ADSS1: variants seen among roughly 807,000 people sequenced by gnomAD.
ADSS1 encodes adenylosuccinate synthetase isozyme 1.
Under a neutral mutation model 59.1 loss-of-function variants are expected in ADSS1, and 57 were observed. The observed-to-expected ratio is 0.97, with a 90% confidence interval of 0.78 to 1.20. The LOEUF (loss-of-function observed/expected upper bound fraction) is 1.20. Ranked by LOEUF, ADSS1 falls within the 50% of genes most tolerant of loss-of-function variation. ADSS1 has a pLI of 0.00. For synonymous variants in ADSS1, 247 were observed against 249.4 expected (o/e 0.99, Z 0.09); for missense variants, 603 against 610.3 (o/e 0.99, Z 0.13).
At chr14:104,730,152 G>T (rs1461967108) in intron 1 of ADSS1, 1 of 1,543,326 alleles carries the variant, frequency 6.5e-7, no homozygotes, top group Admixed American at 2.0e-5. Flanking sequence ...AATGCAGGAG[G>T]CCACACCTGC....
intron 1 of ADSS1, among the ~76,000 whole-genome samples, chr14:104,729,333 C>T (rs568762522): frequency 6.6e-6 from 1 of 152,106 alleles, no homozygotes; most frequent in Admixed American, 6.5e-5. Context: ...AGGAGCAGGA[C>T]GATGGCTGCA....
At chr14:104,735,917 C>T (rs1374858824) in intron 2 of ADSS1, among the ~76,000 whole-genome samples, 1 of 152,228 alleles carries the variant, frequency 6.6e-6, no homozygotes, top group African/African-American at 2.4e-5. Flanking sequence ...TGTACTTTCC[C>T]TTCCAGCTGT....
intron 1 of ADSS1, among the ~76,000 whole-genome samples, chr14:104,729,114 G>T (rs1890805794): frequency 6.6e-6 from 1 of 152,182 alleles, no homozygotes; most frequent in African/African-American, 2.4e-5. Flanking sequence ...GGAGAAAGGG[G>T]CCTCCTTGGG....
In ADSS1 at chr14:104,740,569, G is replaced by C. The variant is rs1191426418; in HGVS notation, c.477-32G>C. On this transcript the variant is annotated intron_variant, in intron 5 of 12. Transcript: ENST00000330877. The surrounding 1 kb of genome is among the most constrained non-coding windows in gnomAD (Gnocchi z 4.8). ...TGCCTGAGCTCCTCAGGGCTCCTGGGTTCTCATGGGTACCCACTCCCCATC... is the reference window on the plus strand; with the variant it reads ...TGCCTGAGCTCCTCAGGGCTCCTGGCTTCTCATGGGTACCCACTCCCCATC... 1 of 1,605,386 alleles carries C rather than the reference G, an allele frequency of 6.2e-7. No homozygotes were observed. Among genetic ancestry groups the C allele is most frequent in the Admixed American group, 1.7e-5 (1 of 59,606 alleles).
At chr14:104,743,930 G>T (rs956871780) in intron 10 of ADSS1, among the ~76,000 whole-genome samples, 24 of 152,272 alleles carry the variant, frequency 1.6e-4, no homozygotes, top group African/African-American at 5.5e-4. Flanking sequence ...GACAGGCAGG[G>T]TCAGCAGTGC....
intron 5 of ADSS1, 145 bp downstream of exon 5, chr14:104,739,961 C>T: frequency 3.5e-6 from 3 of 857,544 alleles, no homozygotes; most frequent in Non-Finnish European, 5.5e-6. Context: ...GTCAAAATTC[C>T]ACAGCGCATC....
intron 1 of ADSS1, among the ~76,000 whole-genome samples, chr14:104,730,426 G>A (rs1890879626): frequency 6.6e-6 from 1 of 152,082 alleles, no homozygotes; most frequent in African/African-American, 2.4e-5. Flanking sequence ...GGAGGCAGAG[G>A]TTGCAGTGAG....
chr14:104,731,855 G>C (rs771542874), intron 1 of ADSS1, among the ~76,000 whole-genome samples: 2 of 152,310 alleles, frequency 1.3e-5, no homozygotes, highest in Non-Finnish European at 2.9e-5. Flanking sequence ...GGGCTGCCTG[G>C]AACAAGCAGA....
At chr14:104,739,511 G>C (rs1891253303) in intron 4 of ADSS1, 133 bp downstream of exon 4, 2 of 1,093,830 alleles carry the variant, frequency 1.8e-6, no homozygotes. Context: ...CCATTAGCTT[G>C]TACATTACCC....
In ADSS1 at chr14:104,724,404, G is replaced by A. The variant is rs756674137; in HGVS notation, c.134G>A (p.Gly45Asp). Residue 45 changes from glycine to aspartate, a missense_variant, in exon 1 of 13, where the codon GGC becomes GAC. By Grantham distance (94) the Gly-to-Asp change is moderately conservative (BLOSUM62 -1). Transcript: ENST00000330877. ...VVLGAQWGDE[G>D]KGKVVDLLAT... ...CTGGGCGCGCAGTGGGGGGACGAGG[G>A]CAAAGGCAAGGTGGTGGACCTGCTG... 2.4e-6 allele frequency: 3 copies of A among 1,264,028 alleles called. No individual in the cohort carries two copies. Among genetic ancestry groups the A allele is most frequent in the Non-Finnish European group, 3.0e-6 (3 of 999,354 alleles). 78.3% of individuals were successfully genotyped at this position (1,264,028 alleles called of 1,614,324 possible). A position where few individuals can be genotyped will look rare whatever the true frequency, so the allele number is the denominator to read the frequency against.
At chr14:104,739,855 C>T in intron 5 of ADSS1, 39 bp downstream of exon 5, 1 of 1,608,778 alleles carries the variant, frequency 6.2e-7, no homozygotes, top group Non-Finnish European at 8.5e-7. Flanking sequence ...GGGGAGTCTT[C>T]TGGGCCCGTA....
chr14:104,742,997 G>A, intron 9 of ADSS1, 70 bp from the exon 10 acceptor site: 4 of 1,595,128 alleles, frequency 2.5e-6, no homozygotes, highest in Non-Finnish European at 3.4e-6. Flanking sequence ...GGGAGGAGGG[G>A]GAGCAGCAGG....
intron 10 of ADSS1, 68 bp from the exon 11 acceptor site, chr14:104,744,744 G>T: frequency 1.3e-6 from 2 of 1,498,024 alleles, no homozygotes; most frequent in Non-Finnish European, 1.9e-6. Flanking sequence ...GAGGTCAAAA[G>T]CAAGCGGAAG....
At chr14:104,744,649 T>C (rs1891490815) in intron 10 of ADSS1, 163 bp from the exon 11 acceptor site, 1 of 618,614 alleles carries the variant, frequency 1.6e-6, no homozygotes, top group South Asian at 2.0e-5. Flanking sequence ...TCATCTGCTC[T>C]GCAGCCCAAT....
chr14:104,724,507 C>T, intron 1 of ADSS1, 45 bp downstream of exon 1: 1 of 1,222,924 alleles, frequency 8.2e-7, no homozygotes, highest in Non-Finnish European at 1.0e-6. Flanking sequence ...CCCAGCGAGC[C>T]CCCCTCCCCC....
At chr14:104,726,912 C>T (rs544427565) in intron 1 of ADSS1, among the ~76,000 whole-genome samples, 1 of 152,212 alleles carries the variant, frequency 6.6e-6, no homozygotes, top group South Asian at 2.1e-4. Context: ...CCTGGGGCCA[C>T]CCTGGGTTTT....
chr14:104,738,081 C>T lies in ADSS1; in HGVS notation c.296-295C>T, dbSNP rs900247179. 2.4e-4 allele frequency: 70 copies of T among 287,768 alleles called. 1 individual carries two copies. Among genetic ancestry groups the T allele is most frequent in the African/African-American group, 1.5e-3 (68 of 44,950 alleles). The allele number at this position is 287,768 out of a possible 1,614,324, so 17.8% of individuals were successfully genotyped here. A position where few individuals can be genotyped will look rare whatever the true frequency, so the allele number is the denominator to read the frequency against. On this transcript the variant is annotated intron_variant, in intron 2 of 12. Transcript: ENST00000330877. ...GCAGGATCTCAGCTCACTGCAACCT[C>T]CGCCTCCCAGGTTCAAGCGATTCTC...
intron 2 of ADSS1, 100 bp from the exon 3 acceptor site, chr14:104,738,276 G>T: frequency 7.8e-7 from 1 of 1,278,126 alleles, no homozygotes; most frequent in Admixed American, 1.8e-5. Context: ...AGGATTACAG[G>T]CATGAGCCAC....
intron 3 of ADSS1, 86 bp from the exon 4 acceptor site, chr14:104,739,242 G>A: frequency 6.9e-7 from 1 of 1,444,546 alleles, no homozygotes; most frequent in Non-Finnish European, 9.5e-7. Context: ...ATGGGAGCCG[G>A]GCGAGCTAGC....
Sources: gnomAD v4.1 joint callset for allele counts (sites outside exome capture counted in the v4.1 genomes callset) on GRCh38, gnomAD v4.1.1 for gene constraint, Gnocchi (gnomAD v3.1) non-coding constraint, MANE v1.5 for transcripts, NCBI Gene and HGNC (gene_info 2026-07-23, HGNC 2026-07-21) for gene names.